The following MAML2 variants were observed in gnomAD, a reference collection of about 807,000 sequenced individuals.
The protein encoded by MAML2 is mastermind like transcriptional coactivator 2, also known as mastermind-like protein 2.
MAML2 carries 22 observed loss-of-function variants against 96.1 expected under a neutral mutation model. The ratio of observed to expected loss-of-function variants is 0.23; its 90% CI spans 0.16 to 0.33. The LOEUF is 0.33. Ranked by LOEUF, MAML2 falls within the 10% of genes least tolerant of loss-of-function variation. The pLI, the probability that MAML2 is intolerant of heterozygous loss-of-function variation, is 1.00. For synonymous variants in MAML2, 561 were observed against 521.3 expected (o/e 1.08, Z -1.04); for missense variants, 1,367 against 1,392.4 (o/e 0.98, Z 0.29).
At chr11:96,144,506 C>G (rs140672097) in intron 1 of MAML2, among the ~76,000 whole-genome samples, 1,547 of 152,134 alleles carry the variant, frequency 0.01, 27 homozygotes, top group African/African-American at 0.035. Flanking sequence ...GGATTTAGGG[C>G]CCTCAATCCC....
At chr11:96,277,625 G>A (rs186007158) in intron 1 of MAML2, among the ~76,000 whole-genome samples, 88 of 151,430 alleles carry the variant, frequency 5.8e-4, no homozygotes, top group African/African-American at 2.0e-3. Flanking sequence ...GGTAGCAAGC[G>A]CCTGTAATCC....
chr11:96,092,535 C>T lies in MAML2; in HGVS notation c.1496G>A (p.Gly499Glu). The T allele has an allele frequency of 2.5e-6, 4 of 1,597,934 alleles. No homozygotes were observed. The highest frequency in any genetic ancestry group is 3.4e-6 in the Non-Finnish European group (4 of 1,169,910). ...TFSPQSSPMPGVAGGSGQSKV... is the reference protein window; with the variant it reads ...TFSPQSSPMPEVAGGSGQSKV... ...CGACTGGCCGCTGCCGCCAGCTACC[C>T]CAGGCATGGGGGAGCTCTGTGGGCT... is the stretch of plus-strand genomic sequence containing the variant. The change falls in exon 2 of 5, where the codon GGG (glycine) becomes GAG (glutamate). Residue 499 changes from glycine to glutamate, a missense_variant. Transcript: ENST00000524717. This position sits in a 1 kb window ranked among gnomAD's most constrained non-coding sequence, Gnocchi z 4.1.
At chr11:96,222,246 G>C (rs1384494119) in intron 1 of MAML2, among the ~76,000 whole-genome samples, 1 of 152,188 alleles carries the variant, frequency 6.6e-6, no homozygotes, top group Non-Finnish European at 1.5e-5. Context: ...GAAGCCATGA[G>C]TTCCATAAGC....
intron 2 of MAML2, among the ~76,000 whole-genome samples, chr11:95,993,175 G>A (rs1055679739): frequency 6.7e-6 from 1 of 149,610 alleles, no homozygotes; most frequent in African/African-American, 2.5e-5. Flanking sequence ...CTCCCACAGT[G>A]CTGGTATTAC....
At position 96,174,755 on chromosome 11, in the gene MAML2, A is replaced by T. The variant is rs536453764; in HGVS notation, c.514-81238T>A. ...AATCTCCTTGAGAAGAGCAACTGTGACATACACTTGTGGGATACCCACAAA... is the reference window on the plus strand; with the variant it reads ...AATCTCCTTGAGAAGAGCAACTGTGTCATACACTTGTGGGATACCCACAAA... On this transcript the variant is annotated intron_variant, in intron 1 of 4. Transcript: ENST00000524717. Among the ~76,000 whole-genome samples, 5 of 152,378 alleles carry T rather than the reference A, an allele frequency of 3.3e-5. No homozygotes were observed. The South Asian group carries it at 1.0e-3, about 32-fold the overall frequency.
chr11:96,029,295 C>CA (rs1446334478), intron 2 of MAML2, among the ~76,000 whole-genome samples: 1 of 151,518 alleles, frequency 6.6e-6, no homozygotes. Flanking sequence ...CTTGTTTGTG[C>CA]AATAATGTTC....
chr11:96,185,029 C>T (rs956640758), intron 1 of MAML2, among the ~76,000 whole-genome samples: 2 of 152,186 alleles, frequency 1.3e-5, no homozygotes, highest in African/African-American at 4.8e-5. Flanking sequence ...CTTCCTCATA[C>T]TGTTTAGATT....
chr11:96,225,970 G>T (rs545978408), intron 1 of MAML2, among the ~76,000 whole-genome samples: 77 of 152,292 alleles, frequency 5.1e-4, no homozygotes, highest in Non-Finnish European at 8.5e-4. Flanking sequence ...ATCAAAAATT[G>T]TAATCTGGAA....
intron 1 of MAML2, among the ~76,000 whole-genome samples, chr11:96,103,929 C>G (rs1859977868): frequency 6.6e-6 from 1 of 152,192 alleles, no homozygotes; most frequent in South Asian, 2.1e-4. Context: ...CAGATGCAGG[C>G]CTTTTGCATA....
At chr11:96,312,046 C>A (rs894701288) in intron 1 of MAML2, among the ~76,000 whole-genome samples, 3 of 151,608 alleles carry the variant, frequency 2.0e-5, no homozygotes. Flanking sequence ...ATGGTGAAAC[C>A]CTGTCTCTAC....
chr11:96,228,735 T>G (rs1862248803), intron 1 of MAML2, among the ~76,000 whole-genome samples: 1 of 152,146 alleles, frequency 6.6e-6, no homozygotes, highest in South Asian at 2.1e-4. Context: ...ACCCTCACTG[T>G]ATTTATAAAG....
intron 2 of MAML2, among the ~76,000 whole-genome samples, chr11:96,012,441 T>G (rs1858281730): frequency 6.6e-6 from 1 of 152,228 alleles, no homozygotes; most frequent in Admixed American, 6.5e-5. Context: ...GCATATTTCC[T>G]GTCTCTGTGC....
At chr11:96,304,627 A>G (rs1863438950) in intron 1 of MAML2, among the ~76,000 whole-genome samples, 1 of 152,226 alleles carries the variant, frequency 6.6e-6, no homozygotes, top group Admixed American at 6.5e-5. Context: ...TACTTCAAAC[A>G]GAATGAATGC....
intron 1 of MAML2, among the ~76,000 whole-genome samples, chr11:96,096,079 A>G (rs1467380543): frequency 2.0e-5 from 3 of 152,192 alleles, no homozygotes; most frequent in Non-Finnish European, 4.4e-5. Flanking sequence ...TTCAGCATAA[A>G]TTGCATTTTG....
At chr11:96,339,133 T>C (rs1450849484) in intron 1 of MAML2, among the ~76,000 whole-genome samples, 5 of 152,196 alleles carry the variant, frequency 3.3e-5, no homozygotes, top group African/African-American at 1.2e-4. Flanking sequence ...TAACTTAAAC[T>C]GTGCCTCTCT....
At chr11:96,310,547 C>A (rs1591126176) in intron 1 of MAML2, among the ~76,000 whole-genome samples, 1 of 152,140 alleles carries the variant, frequency 6.6e-6, no homozygotes, top group African/African-American at 2.4e-5. Flanking sequence ...TTCTTGAATA[C>A]CTTTTCTAAT....
intron 1 of MAML2, among the ~76,000 whole-genome samples, chr11:96,119,506 A>C (rs1213046735): frequency 6.6e-6 from 1 of 152,170 alleles, no homozygotes; most frequent in Non-Finnish European, 1.5e-5. Flanking sequence ...GGTTCATTTC[A>C]ATTTCTGACC....
At position 96,092,400 on chromosome 11, in the gene MAML2, T is replaced by G. The variant is rs1434269477; in HGVS notation, c.1631A>C (p.Asn544Thr). The change falls in exon 2 of 5, where the codon AAC (asparagine) becomes ACC (threonine). Residue 544 changes from asparagine to threonine, a missense_variant. By Grantham distance (65) the Asn-to-Thr change is moderately conservative. Coordinates refer to ENST00000524717, the MANE Select transcript of MAML2 (RefSeq NM_032427.4). The surrounding 1 kb of genome is among the most constrained non-coding windows in gnomAD (Gnocchi z 4.1). ...PQDLSRSFIN[N>T]PHPAMEPRQG... ...ACGGGGCTCCATGGCTGGGTGCGGG[T>G]TGTTAATAAAACTTCGACTGAGATC... The G allele has an allele frequency of 6.2e-7, 1 of 1,613,878 alleles. No individual in the cohort carries two copies. Among genetic ancestry groups the G allele is most frequent in the Non-Finnish European group, 8.5e-7 (1 of 1,179,864 alleles).
intron 1 of MAML2, among the ~76,000 whole-genome samples, chr11:96,257,891 TA>T: frequency 6.6e-6 from 1 of 152,282 alleles, no homozygotes; most frequent in South Asian, 2.1e-4. Flanking sequence ...AACAACTTTA[TA>T]AAGAATAAAA....
Sources: gnomAD v4.1 joint callset for allele counts (sites outside exome capture counted in the v4.1 genomes callset) on GRCh38, gnomAD v4.1.1 for gene constraint, Gnocchi (gnomAD v3.1) non-coding constraint, MANE v1.5 for transcripts, NCBI Gene and HGNC (gene_info 2026-07-23, HGNC 2026-07-21) for gene names.